The following CEP97 variants were observed in gnomAD, a reference collection of about 807,000 sequenced individuals.
CEP97 encodes centrosomal protein of 97 kDa.
CEP97 carries 43 observed loss-of-function variants against 73.1 expected under a neutral mutation model. That is an observed-to-expected ratio of 0.59 (90% confidence interval 0.46 to 0.76). The LOEUF is 0.76. CEP97 is among the 30% of genes least tolerant of loss of function. The probability of loss-of-function intolerance (pLI) is 0.00; values close to 1 mark genes in which losing one functional copy is unlikely to be tolerated. For missense variants in CEP97, 939 were observed against 1,014.0 expected, an observed-to-expected ratio of 0.93 and a Z score of 1.00; for synonymous variants, 337 against 370.0, an observed-to-expected ratio of 0.91 and a Z score of 1.02.
intron 6 of CEP97, among the ~76,000 whole-genome samples, chr3:101,754,343 T>TA (rs1560018196): frequency 6.6e-6 from 1 of 152,020 alleles, no homozygotes; most frequent in Admixed American, 6.6e-5. Flanking sequence ...TATCACATCT[T>TA]AAAAAAAATT....
intron 2 of CEP97, 117 bp from the exon 3 acceptor site, chr3:101,727,266 A>G: frequency 1.3e-6 from 1 of 763,994 alleles, no homozygotes; most frequent in South Asian, 2.0e-5. Context: ...TGTGAAATGT[A>G]CAAAAGGAGT....
chr3:101,757,218 G>C, intron 8 of CEP97, 22 bp downstream of exon 8: 1 of 1,587,142 alleles, frequency 6.3e-7, no homozygotes, highest in Non-Finnish European at 8.5e-7. Flanking sequence ...ATTTATCTCT[G>C]ATCCCTTTTC....
intron 10 of CEP97, among the ~76,000 whole-genome samples, chr3:101,763,721 GGTATTTTA>G (rs1939232047): frequency 6.6e-6 from 1 of 152,034 alleles, no homozygotes; most frequent in African/African-American, 2.4e-5. Context: ...TATGTTTTTA[GGTATTTTA>G]GAAAGTTGCA....
In CEP97 at chr3:101,758,212, A is replaced by G. The variant is rs1327359489; in HGVS notation, c.1606A>G (p.Lys536Glu). Residue 536 changes from lysine to glutamate, a missense_variant, in exon 9 of 11, where the codon AAA becomes GAA. Coordinates refer to ENST00000341893, the MANE Select transcript of CEP97 (RefSeq NM_024548.4). ...KETISQATSE[K>E]LPMILTQRSV... is the part of the protein sequence containing the mutation. ...AACCATATCTCAAGCAACTTCAGAG[A>G]AACTTCCCATGATTTTAACCCAGAG... 1 of 1,614,212 alleles carries G rather than the reference A, an allele frequency of 6.2e-7. No individual in the cohort carries two copies. The highest frequency in any genetic ancestry group is 1.1e-5 in the South Asian group (1 of 91,084).
intron 6 of CEP97, among the ~76,000 whole-genome samples, chr3:101,736,880 A>G (rs1272614132): frequency 6.6e-6 from 1 of 152,194 alleles, no homozygotes; most frequent in African/African-American, 2.4e-5. Context: ...CTTCAGAATA[A>G]TAACAAACTC....
In CEP97 at chr3:101,726,733, A is replaced by G. The variant is rs373211906; in HGVS notation, c.183A>G (p.Ile61Met). The change falls in exon 2 of 11, where the codon ATA (isoleucine) becomes ATG (methionine). Residue 61 changes from isoleucine to methionine, a missense_variant. Transcript: ENST00000341893. ...LENLEKCKRL[I>M]QLSVANNRLV... is the part of the protein sequence containing the mutation. ...ATCTGGAGAAATGCAAACGATTAAT[A>G]CAGGTAGGTATTGCAATCTGGGAAA... 4.4e-6 allele frequency: 7 copies of G among 1,596,302 alleles called. No homozygotes were observed. Among genetic ancestry groups the G allele is most frequent in the Non-Finnish European group, 6.0e-6 (7 of 1,169,804 alleles).
chr3:101,740,791 G>A (rs1257046626), intron 6 of CEP97, among the ~76,000 whole-genome samples: 1 of 152,178 alleles, frequency 6.6e-6, no homozygotes, highest in East Asian at 1.9e-4. Context: ...GTTTCTCCAT[G>A]TTGGTCAGAC....
At chr3:101,726,532 G>A (rs1937893659) in intron 1 of CEP97, 62 bp from the exon 2 acceptor site, 1 of 1,283,144 alleles carries the variant, frequency 7.8e-7, no homozygotes, top group African/African-American at 1.5e-5. Flanking sequence ...CCAGCCCTAT[G>A]CTTAGCTGTT....
Position 101,755,409 on chromosome 3 carries a change from T to G in CEP97, c.729-21T>G, listed in dbSNP as rs771061917. On this transcript the variant is annotated intron_variant, in intron 6 of 10. Transcript: ENST00000341893. ...GACTATTCTCATGCCATCTCCTCTT[T>G]TTTATGTTCCCCAATTCCAGTTTGA... is the stretch of plus-strand genomic sequence containing the variant. 5 of 1,611,834 alleles carry G rather than the reference T, an allele frequency of 3.1e-6. No individual in the cohort carries two copies. The African/African-American group carries it at 6.7e-5, about 22-fold the overall frequency.
At chr3:101,738,500 CA>C (rs1314915719) in intron 6 of CEP97, among the ~76,000 whole-genome samples, 1 of 152,160 alleles carries the variant, frequency 6.6e-6, no homozygotes. Context: ...TCTCTCAGAC[CA>C]CAGTGCAATC....
At chr3:101,764,286 C>T (rs779157730) in intron 10 of CEP97, among the ~76,000 whole-genome samples, 38 of 151,896 alleles carry the variant, frequency 2.5e-4, no homozygotes, top group Non-Finnish European at 5.1e-4. Context: ...GGCAACAAAG[C>T]GAGACCTCAT....
intron 6 of CEP97, among the ~76,000 whole-genome samples, chr3:101,753,406 G>T (rs2466366): frequency 0.21 from 32,638 of 152,100 alleles, 3,993 homozygotes; most frequent in East Asian, 0.48. Context: ...CCAGCTGGGT[G>T]CTGGGAGAAC....
chr3:101,757,136 G>A lies in CEP97; in HGVS notation c.967G>A (p.Ala323Thr). The change falls in exon 8 of 11, where the codon GCA becomes ACA. Residue 323 changes from alanine to threonine, a missense_variant. Coordinates refer to ENST00000341893, the MANE Select transcript of CEP97 (RefSeq NM_024548.4). Reference protein sequence around the residue: ...LSPLVPVETRASLIPEHSSPV... With the variant: ...LSPLVPVETRTSLIPEHSSPV... ...TCCTCTTGTTCCTGTTGAAACAAGG[G>A]CATCCCTTATTCCTGAGCATTCAAG... 6.2e-7 allele frequency: 1 copy of A among 1,613,432 alleles called. No homozygotes were observed. The highest frequency in any genetic ancestry group is 1.1e-5 in the South Asian group (1 of 90,938).
In CEP97 at chr3:101,727,327, G is replaced by A. The variant is rs552210320; in HGVS notation, c.187-56G>A. 8.0e-5 allele frequency: 115 copies of A among 1,443,406 alleles called. No homozygotes were observed. The South Asian group carries it at 1.3e-3, about 17-fold the overall frequency. The allele number at this position is 1,443,406 out of a possible 1,614,324, so 89.4% of individuals were successfully genotyped here. On this transcript the variant is annotated intron_variant, in intron 2 of 10. Coordinates refer to ENST00000341893, the MANE Select transcript of CEP97 (RefSeq NM_024548.4). ...AATAAACCTTTTAAATCACTTTAAT[G>A]TGAAATATTTTATATATGTTATTCC... is the stretch of plus-strand genomic sequence containing the variant.
At chr3:101,739,832 G>C (rs1193815408) in intron 6 of CEP97, among the ~76,000 whole-genome samples, 2 of 151,818 alleles carry the variant, frequency 1.3e-5, no homozygotes, top group Non-Finnish European at 2.9e-5. Context: ...TTGAACCCGG[G>C]AGGCGTAGTT....
intron 8 of CEP97, 116 bp downstream of exon 8, chr3:101,757,312 T>G: frequency 8.8e-7 from 1 of 1,137,676 alleles, no homozygotes; most frequent in Non-Finnish European, 1.2e-6. Context: ...CTAACTTCAG[T>G]AATCATTTAG....
intron 4 of CEP97, 123 bp from the exon 5 acceptor site, chr3:101,731,717 T>A (rs1938116159): frequency 1.6e-6 from 1 of 616,378 alleles, no homozygotes; most frequent in Non-Finnish European, 2.9e-6. Context: ...TTGATTTGTG[T>A]GTGATGAGAA....
intron 10 of CEP97, 43 bp downstream of exon 10, chr3:101,762,603 C>T (rs2107192856): frequency 1.4e-6 from 2 of 1,399,910 alleles, no homozygotes; most frequent in East Asian, 2.3e-5. Context: ...TGATCAAATA[C>T]AGATTCTATA....
chr3:101,763,035 A>G, intron 10 of CEP97: 1 of 1,209,576 alleles, frequency 8.3e-7, no homozygotes, highest in Non-Finnish European at 1.1e-6. Flanking sequence ...CTAGCATTGT[A>G]TCACATCAAA....
Sources: gnomAD v4.1 joint callset for allele counts (sites outside exome capture counted in the v4.1 genomes callset) on GRCh38, gnomAD v4.1.1 for gene constraint, MANE v1.5 for transcripts, NCBI Gene and HGNC (gene_info 2026-07-23, HGNC 2026-07-21) for gene names.